Variants in HRH2 observed in about 807,000 individuals in gnomAD.
The protein encoded by HRH2 is histamine H2 receptor.
A neutral mutation model predicts 20.1 loss-of-function variants in HRH2; 4 were observed. The observed-to-expected ratio is 0.20, with a 90% CI of 0.10 to 0.45. HRH2 has a LOEUF of 0.45. Ranked by LOEUF, HRH2 falls within the 20% of genes least tolerant of loss-of-function variation. The pLI is 0.99. For synonymous variants in HRH2, 197 were observed against 200.7 expected (o/e 0.98, Z 0.16); for missense variants, 250 against 461.6 (o/e 0.54, Z 4.20).
chr5:175,683,387 C>A lies in HRH2; in HGVS notation c.154C>A (p.Leu52Met), dbSNP rs931913686. The change falls in exon 2 of 3, where the codon CTG becomes ATG. Residue 52 changes from leucine to methionine, a missense_variant. Transcript: ENST00000636584. ...GGGCTTGAACCGCCGGCTCCGCAAC[C>A]TGACCAATTGTTTCATCGTGTCCTT... ...AVGLNRRLRN[L>M]TNCFIVSLAI... 6.2e-7 allele frequency: 1 copy of A among 1,614,212 alleles called. No homozygotes were observed. The highest frequency in any genetic ancestry group is 8.5e-7 in the Non-Finnish European group (1 of 1,180,048).
chr5:175,685,652 C>T lies in HRH2; in HGVS notation c.1076+1343C>T. 3.1e-6 allele frequency: 2 copies of T among 643,062 alleles called. 1 individual carries two copies. The highest frequency in any genetic ancestry group is 3.8e-5 in the South Asian group (2 of 52,412). 39.8% of individuals were successfully genotyped at this position (643,062 alleles called of 1,614,324 possible). A position where few individuals can be genotyped will look rare whatever the true frequency, so the allele number is the denominator to read the frequency against. Reference sequence around the variant, plus strand: ...CTTGTATCTTGAGCAAGTTCCTCCCCATCTCAGGCCTCAGTTTCCTCATCG... The same window carrying T: ...CTTGTATCTTGAGCAAGTTCCTCCCTATCTCAGGCCTCAGTTTCCTCATCG... On this transcript the variant is annotated intron_variant, in intron 2 of 2. Coordinates refer to ENST00000636584, the MANE Select transcript of HRH2 (RefSeq NM_001367711.1).
In HRH2 at chr5:175,687,253, C is replaced by T. The variant is rs549750780; in HGVS notation, c.1076+2944C>T. 1.3e-5 allele frequency among the ~76,000 whole-genome samples: 2 copies of T among 152,160 alleles called. No homozygotes were observed. Among genetic ancestry groups the T allele is most frequent in the Non-Finnish European group, 2.9e-5 (2 of 68,040 alleles). On this transcript the variant is annotated intron_variant, in intron 2 of 2. Transcript: ENST00000636584. This position sits in a 1 kb window ranked among gnomAD's most constrained non-coding sequence, Gnocchi z 5.2. Reference sequence around the variant, plus strand: ...TTCCCACCAAGACTGCCAGGGCGATCAGGGCCTCGTGTGTCCCTCGATAAG... The same window carrying T: ...TTCCCACCAAGACTGCCAGGGCGATTAGGGCCTCGTGTGTCCCTCGATAAG...
chr5:175,689,833 G>A (rs183415776), intron 2 of HRH2, among the ~76,000 whole-genome samples: 2 of 152,210 alleles, frequency 1.3e-5, no homozygotes, highest in African/African-American at 2.4e-5. Flanking sequence ...ATGGGAATCC[G>A]GAGTTCCCAA....
intron 1 of HRH2, among the ~76,000 whole-genome samples, chr5:175,668,465 C>G (rs1344837142): frequency 6.6e-6 from 1 of 152,058 alleles, no homozygotes; most frequent in African/African-American, 2.4e-5. Context: ...TGATCTTGAC[C>G]CCATACACGT....
intron 2 of HRH2, chr5:175,685,703 G>A (rs936512492): frequency 8.8e-5 from 52 of 593,432 alleles, no homozygotes; most frequent in Non-Finnish European, 1.2e-4. Flanking sequence ...TTCCCTCACC[G>A]GGCTTCCTAC....
intron 2 of HRH2, among the ~76,000 whole-genome samples, chr5:175,695,620 C>A (rs2113545460): frequency 6.6e-6 from 1 of 152,334 alleles, no homozygotes; most frequent in East Asian, 1.9e-4. Flanking sequence ...CTACACTTCC[C>A]CTCACTGTTT....
At chr5:175,704,661 C>G (rs1266480975) in intron 2 of HRH2, among the ~76,000 whole-genome samples, 1 of 152,044 alleles carries the variant, frequency 6.6e-6, no homozygotes. Context: ...CTATTCACAG[C>G]TAATAACCAT....
intron 1 of HRH2, among the ~76,000 whole-genome samples, chr5:175,670,369 T>A (rs895987639): frequency 2.0e-5 from 3 of 152,234 alleles, no homozygotes; most frequent in Non-Finnish European, 4.4e-5. Flanking sequence ...AAACATTGTT[T>A]GAACCCAACA....
Position 175,681,921 on chromosome 5 carries a change from C to T in HRH2, c.-525-788C>T, listed in dbSNP as rs1755990410. 6.6e-6 allele frequency among the ~76,000 whole-genome samples: 1 copy of T among 152,228 alleles called. No individual in the cohort carries two copies. The highest frequency in any genetic ancestry group is 2.4e-5 in the African/African-American group (1 of 41,466). On this transcript the variant is annotated intron_variant, in intron 1 of 2. Coordinates refer to ENST00000636584, the MANE Select transcript of HRH2 (RefSeq NM_001367711.1). The surrounding 1 kb of genome is among the most constrained non-coding windows in gnomAD (Gnocchi z 4.3). ...GGTGGCGTGGATGACAGGTGACGAA[C>T]TGCCGATTAAATCTGGCCCTCTGCC...
intron 1 of HRH2, among the ~76,000 whole-genome samples, chr5:175,680,830 GA>G (rs1307346005): frequency 6.6e-6 from 1 of 152,122 alleles, no homozygotes; most frequent in Non-Finnish European, 1.5e-5. Context: ...ACTCTACGAA[GA>G]AAGGACTCAC....
chr5:175,675,401 T>A (rs1271050673), intron 1 of HRH2, among the ~76,000 whole-genome samples: 1 of 152,194 alleles, frequency 6.6e-6, no homozygotes, highest in African/African-American at 2.4e-5. Flanking sequence ...CCCAGCTACA[T>A]TTTCCTGTTG....
At chr5:175,658,392 G>A (rs1218762519) in intron 1 of HRH2, among the ~76,000 whole-genome samples, 1 of 152,176 alleles carries the variant, frequency 6.6e-6, no homozygotes, top group East Asian at 1.9e-4. Context: ...GTGACCGCGG[G>A]GGTCGTGCCT....
chr5:175,695,406 G>T (rs1173528247), intron 2 of HRH2, among the ~76,000 whole-genome samples: 2 of 152,232 alleles, frequency 1.3e-5, no homozygotes, highest in East Asian at 3.9e-4. Context: ...CCGGCACCCA[G>T]TGAGCCCCAG....
At chr5:175,675,505 C>T (rs558714868) in intron 1 of HRH2, among the ~76,000 whole-genome samples, 7 of 152,300 alleles carry the variant, frequency 4.6e-5, no homozygotes, top group Non-Finnish European at 1.0e-4. Flanking sequence ...ATTGGAAGGC[C>T]GTGGCATGCT....
Position 175,678,559 on chromosome 5 carries a change from C to T in HRH2, c.-525-4150C>T, listed in dbSNP as rs370679123. Among the ~76,000 whole-genome samples, 121 of 152,338 alleles carry T rather than the reference C, an allele frequency of 7.9e-4. 2 individuals are homozygous for T. The highest frequency in any genetic ancestry group is 2.8e-3 in the African/African-American group (116 of 41,572). On this transcript the variant is annotated intron_variant, in intron 1 of 2. Coordinates refer to ENST00000636584, the MANE Select transcript of HRH2 (RefSeq NM_001367711.1). ...AATGTCCAAGTCCTTGCTTTCAGCCCGGCGGCTCCCCTTGACTCCTCACAG... is the reference window on the plus strand; with the variant it reads ...AATGTCCAAGTCCTTGCTTTCAGCCTGGCGGCTCCCCTTGACTCCTCACAG...
At chr5:175,666,669 G>A (rs959559543) in intron 1 of HRH2, among the ~76,000 whole-genome samples, 6 of 152,076 alleles carry the variant, frequency 3.9e-5, no homozygotes, top group African/African-American at 1.2e-4. Flanking sequence ...GGGCTCAAGC[G>A]ATCCACCCGC....
At chr5:175,676,200 G>T (rs950504241) in intron 1 of HRH2, among the ~76,000 whole-genome samples, 1 of 152,258 alleles carries the variant, frequency 6.6e-6, no homozygotes, top group Non-Finnish European at 1.5e-5. Flanking sequence ...AAGTGCAACT[G>T]CTGGGTCAGT....
intron 2 of HRH2, among the ~76,000 whole-genome samples, chr5:175,696,723 A>G (rs1756597077): frequency 6.6e-6 from 1 of 152,172 alleles, no homozygotes; most frequent in Non-Finnish European, 1.5e-5. Context: ...GACCTGCTGC[A>G]ACACACTCAG....
chr5:175,704,421 C>T (rs1057168690), intron 2 of HRH2, among the ~76,000 whole-genome samples: 1 of 151,256 alleles, frequency 6.6e-6, no homozygotes, highest in East Asian at 2.0e-4. Flanking sequence ...GAAAAAAAAA[C>T]ACTGAGTAAG....
Sources: gnomAD v4.1 joint callset for allele counts (sites outside exome capture counted in the v4.1 genomes callset) on GRCh38, gnomAD v4.1.1 for gene constraint, Gnocchi (gnomAD v3.1) non-coding constraint, MANE v1.5 for transcripts, NCBI Gene and HGNC (gene_info 2026-07-23, HGNC 2026-07-21) for gene names.